MIB1: variants seen among roughly 807,000 people sequenced by gnomAD.
MIB1 encodes the protein E3 ubiquitin-protein ligase MIB1.
MIB1 carries 278 observed loss-of-function variants against 124.5 expected under a neutral mutation model. That is an observed-to-expected ratio of 2.23 (90% CI 2.02 to 2.47). The LOEUF (loss-of-function observed/expected upper bound fraction) is 2.47. Among genes scored for constraint, MIB1 ranks in the 30% most tolerant of loss-of-function variants. The pLI is 0.00. For missense variants in MIB1, 957 were observed against 1,254.4 expected (o/e 0.76, Z 3.58); for synonymous variants, 446 against 429.4 (o/e 1.04, Z -0.48).
chr18:21,739,929 A>AC, upstream of MIB1, among the ~76,000 whole-genome samples: 1 of 150,486 alleles, frequency 6.6e-6, no homozygotes, highest in African/African-American at 2.5e-5. Context: ...AAAGCAAAAA[A>AC]AAAAACAACA....
chr18:21,810,497 A>G (rs1215135832), intron 10 of MIB1, among the ~76,000 whole-genome samples: 2 of 152,054 alleles, frequency 1.3e-5, no homozygotes, highest in Non-Finnish European at 2.9e-5. Flanking sequence ...ACTTACCACA[A>G]GGCAACAGTA....
chr18:21,788,439 A>G (rs1036728824), intron 6 of MIB1, among the ~76,000 whole-genome samples: 1 of 152,230 alleles, frequency 6.6e-6, no homozygotes, highest in African/African-American at 2.4e-5. Context: ...TAAAAACACT[A>G]AACAAACTGG....
At chr18:21,762,040 TAA>T (rs1286888187) in intron 1 of MIB1, among the ~76,000 whole-genome samples, 2 of 152,190 alleles carry the variant, frequency 1.3e-5, no homozygotes, top group Admixed American at 6.5e-5. Context: ...AGTTTTATTA[TAA>T]GTGTGTTATT....
At chr18:21,815,011 TTATATATATATATATA>T (rs60363843) in intron 10 of MIB1, among the ~76,000 whole-genome samples, 1,182 of 52,648 alleles carry the variant, frequency 0.022, 77 homozygotes, top group African/African-American at 0.063. Context: ...GCTGTTGGTT[TTATATATATATATATA>T]TATATATATA....
chr18:21,817,154 CT>C (rs1040673828), intron 11 of MIB1, among the ~76,000 whole-genome samples: 7,474 of 74,960 alleles, frequency 0.1, 151 homozygotes, highest in African/African-American at 0.16. Flanking sequence ...GTTAGGAATT[CT>C]TTTTTTTTTT....
intron 1 of MIB1, among the ~76,000 whole-genome samples, chr18:21,749,870 G>A (rs1371802662): frequency 2.6e-5 from 4 of 151,684 alleles, no homozygotes; most frequent in Admixed American, 6.6e-5. Context: ...TCGAACTCCC[G>A]ACCTCAGGTG....
At chr18:21,717,181 A>G (rs968257895) in intron 1 of MIB1, among the ~76,000 whole-genome samples, 2 of 152,084 alleles carry the variant, frequency 1.3e-5, no homozygotes, top group Non-Finnish European at 2.9e-5. Flanking sequence ...CAAATGGTGC[A>G]GGGTAGCCAA....
chr18:21,709,167 A>T (rs2040654434), intron 1 of MIB1, among the ~76,000 whole-genome samples: 2 of 152,214 alleles, frequency 1.3e-5, no homozygotes, highest in Admixed American at 1.3e-4. Context: ...ATACAAAAAA[A>T]ATTAGCTGGG....
intron 6 of MIB1, among the ~76,000 whole-genome samples, 179 bp downstream of exon 6, chr18:21,779,864 G>A (rs1162419466): frequency 1.9e-4 from 6 of 31,474 alleles, no homozygotes; most frequent in African/African-American, 8.5e-4. Flanking sequence ...AGAATTACGT[G>A]TGTGTGTGTG....
intron 12 of MIB1, among the ~76,000 whole-genome samples, chr18:21,837,629 CG>C (rs1327889840): frequency 1.3e-5 from 2 of 152,232 alleles, no homozygotes; most frequent in African/African-American, 4.8e-5. Context: ...TTCTGCTCTT[CG>C]GTGGTTGGAG....
intron 12 of MIB1, 119 bp from the exon 13 acceptor site, chr18:21,838,246 C>A: frequency 1.6e-6 from 1 of 613,402 alleles, no homozygotes; most frequent in Non-Finnish European, 2.6e-6. Context: ...AGTAGAATTT[C>A]TATTTGTCTC....
In MIB1 at chr18:21,857,469, C is replaced by T. The variant is rs192406230; in HGVS notation, c.2779+226C>T. 5.3e-4 allele frequency among the ~76,000 whole-genome samples: 81 copies of T among 152,308 alleles called. No homozygotes were observed. The Middle Eastern group carries it at 0.014, about 26-fold the overall frequency. On this transcript the variant is annotated intron_variant, in intron 19 of 20. Coordinates refer to ENST00000261537, the MANE Select transcript of MIB1 (RefSeq NM_020774.4). ...TGTGAACATCAGTCTTCTGAGAAAC[C>T]TGCATGTATGCTATAAAGAATATTG...
chr18:21,720,207 T>C (rs931707309), intron 1 of MIB1, among the ~76,000 whole-genome samples: 2 of 152,138 alleles, frequency 1.3e-5, no homozygotes, highest in Non-Finnish European at 2.9e-5. Flanking sequence ...ATGGTAGAAA[T>C]AGAATATCAC....
intron 7 of MIB1, among the ~76,000 whole-genome samples, chr18:21,794,829 A>G (rs2041555162): frequency 6.6e-6 from 1 of 152,138 alleles, no homozygotes; most frequent in Admixed American, 6.6e-5. Context: ...AAAGAATATA[A>G]GCTGAAGATT....
At chr18:21,735,993 C>A (rs574054274), upstream of MIB1, among the ~76,000 whole-genome samples, 1 of 152,248 alleles carries the variant, frequency 6.6e-6, no homozygotes, top group South Asian at 2.1e-4. Context: ...GTGAAGAGAG[C>A]AGTGGATCTC....
At chr18:21,775,359 C>T (rs1366514830) in intron 4 of MIB1, among the ~76,000 whole-genome samples, 2 of 152,176 alleles carry the variant, frequency 1.3e-5, no homozygotes, top group East Asian at 3.8e-4. Context: ...CCCACCTCAA[C>T]CTCTGGAGTA....
rs2042349895 is a variant in MIB1 at position 21,870,851 on chromosome 18, A to G, written c.*6185A>G. On this transcript the variant is annotated 3_prime_UTR_variant, in exon 21 of 21. Transcript: ENST00000261537. ...ATTTATTTTGAGTAACCTCTAATTAACTGTATTTTTTTGTTTCTGTTGCTG... is the reference window on the plus strand; with the variant it reads ...ATTTATTTTGAGTAACCTCTAATTAGCTGTATTTTTTTGTTTCTGTTGCTG... 5 of 152,266 alleles carry G rather than the reference A, an allele frequency of 3.3e-5. No individual in the cohort carries two copies. The highest frequency in any genetic ancestry group is 3.3e-4 in the Admixed American group (5 of 15,288). The allele number at this position is 152,266 out of a possible 1,614,324, so 9.4% of individuals were successfully genotyped here. A position where few individuals can be genotyped will look rare whatever the true frequency, so the allele number is the denominator to read the frequency against.
intron 1 of MIB1, among the ~76,000 whole-genome samples, chr18:21,748,621 G>A (rs2040939010): frequency 1.3e-5 from 2 of 151,440 alleles, no homozygotes; most frequent in South Asian, 4.2e-4. Flanking sequence ...TGTAGAGATA[G>A]GGTCCTGCCG....
chr18:21,801,277 AT>A (rs2041648091), intron 9 of MIB1, among the ~76,000 whole-genome samples: 1 of 151,624 alleles, frequency 6.6e-6, no homozygotes, highest in Non-Finnish European at 1.5e-5. Context: ...GAAGGTGAGG[AT>A]TTAGCTTTAT....
Sources: gnomAD v4.1 joint callset for allele counts (sites outside exome capture counted in the v4.1 genomes callset) on GRCh38, gnomAD v4.1.1 for gene constraint, MANE v1.5 for transcripts, NCBI Gene and HGNC (gene_info 2026-07-23, HGNC 2026-07-21) for gene names.